Variants in GJB6 observed in about 807,000 individuals in gnomAD.
GJB6 encodes the protein gap junction beta-6 protein.
A neutral mutation model predicts 5.4 loss-of-function variants in GJB6; 5 were observed. The observed-to-expected ratio is 0.92, with a 90% CI of 0.48 to 1.93. GJB6 has a LOEUF of 1.93. GJB6 is among the 30% of genes most tolerant of loss of function. The probability of loss-of-function intolerance (pLI) is 0.01; values close to 1 mark genes in which losing one functional copy is unlikely to be tolerated. For synonymous variants in GJB6, 136 were observed against 129.6 expected, an observed-to-expected ratio of 1.05 and a Z score of -0.34; for missense variants, 298 against 326.9, an observed-to-expected ratio of 0.91 and a Z score of 0.68.
At position 20,222,685 on chromosome 13, in the gene GJB6, C is replaced by T; in HGVS notation, c.*10G>A. On this transcript the variant is annotated 3_prime_UTR_variant, in exon 5 of 5. Transcript: ENST00000647029. The stretch of plus-strand genomic sequence containing the variant: ...TCCTTATGACGCAGCTACATTTTAC[C>T]TTGAAATGTTTAGCTTGGGAAACCT... The T allele has an allele frequency of 6.2e-7, 1 of 1,612,362 alleles. No homozygotes were observed. The highest frequency in any genetic ancestry group is 8.5e-7 in the Non-Finnish European group (1 of 1,178,346).
At chr13:20,226,707 A>T (rs755190891) in intron 4 of GJB6, among the ~76,000 whole-genome samples, 1 of 152,198 alleles carries the variant, frequency 6.6e-6, no homozygotes, top group Non-Finnish European at 1.5e-5. Flanking sequence ...GCAGCTGTTC[A>T]CCTATGGGGT....
chr13:20,225,016 G>A lies in GJB6; in HGVS notation c.-15-1521C>T, dbSNP rs575570744. Among the ~76,000 whole-genome samples the A allele has an allele frequency of 4.6e-5, 7 of 152,324 alleles. No individual in the cohort carries two copies. The East Asian group carries it at 1.4e-3, about 29-fold the overall frequency. ...AGGCAGCCTCTCCCCACCCAGGAGT[G>A]CCTTGGCCTCAGAGTGGGGTGCTAC... is the stretch of plus-strand genomic sequence containing the variant. On this transcript the variant is annotated intron_variant, in intron 4 of 4. Coordinates refer to ENST00000647029, the MANE Select transcript of GJB6 (RefSeq NM_001110219.3).
At chr13:20,228,076 T>TG (rs1327949396) in intron 4 of GJB6, among the ~76,000 whole-genome samples, 1 of 152,246 alleles carries the variant, frequency 6.6e-6, no homozygotes, top group Non-Finnish European at 1.5e-5. Flanking sequence ...CAAACCCTCT[T>TG]GGTTGGAGAA....
intron 1 of GJB6, chr13:20,231,963 G>C (rs1870112885): frequency 6.6e-6 from 1 of 152,370 alleles, no homozygotes; most frequent in African/African-American, 2.4e-5. Context: ...ACAGGAGGGT[G>C]CGGATAGAGG....
chr13:20,224,623 T>C (rs1411083053), intron 4 of GJB6, among the ~76,000 whole-genome samples: 2 of 152,216 alleles, frequency 1.3e-5, no homozygotes, highest in African/African-American at 4.8e-5. Flanking sequence ...TTTACAGCTA[T>C]GGACACTTTT....
chr13:20,231,220 A>G (rs1870060495), intron 2 of GJB6, 162 bp downstream of exon 2: 1 of 152,268 alleles, frequency 6.6e-6, no homozygotes, highest in Non-Finnish European at 1.5e-5. Flanking sequence ...CATAAAGTCT[A>G]CTTGAGGGAA....
chr13:20,225,231 C>G (rs1333184149), intron 4 of GJB6: 1 of 152,222 alleles, frequency 6.6e-6, no homozygotes, highest in East Asian at 1.9e-4. Flanking sequence ...CTTTCTGCAT[C>G]TATGATTTTG....
At chr13:20,225,042 T>C (rs1869483326) in intron 4 of GJB6, among the ~76,000 whole-genome samples, 2 of 152,244 alleles carry the variant, frequency 1.3e-5, no homozygotes, top group South Asian at 4.1e-4. Flanking sequence ...GGGGTGCTAC[T>C]GTGTGCCCCA....
At chr13:20,227,001 G>A (rs138876786) in intron 4 of GJB6, among the ~76,000 whole-genome samples, 2,233 of 152,206 alleles carry the variant, frequency 0.015, 41 homozygotes, top group African/African-American at 0.05. Context: ...GCCAGAGGGG[G>A]ACATGGCCTG....
At chr13:20,227,167 G>C (rs1869644867) in intron 4 of GJB6, among the ~76,000 whole-genome samples, 1 of 152,040 alleles carries the variant, frequency 6.6e-6, no homozygotes, top group African/African-American at 2.4e-5. Context: ...CAATTATAAG[G>C]GCAGTAGCTT....
At chr13:20,227,734 T>G (rs370392062) in intron 4 of GJB6, among the ~76,000 whole-genome samples, 5 of 152,334 alleles carry the variant, frequency 3.3e-5, no homozygotes, top group South Asian at 4.1e-4. Flanking sequence ...TGTCAAGAGA[T>G]AGGCCAGGGT....
chr13:20,227,684 G>A (rs1028583856), intron 4 of GJB6, among the ~76,000 whole-genome samples: 5 of 152,198 alleles, frequency 3.3e-5, no homozygotes, highest in African/African-American at 4.8e-5. Context: ...ATCATTCTCT[G>A]CAGGCCAACA....
Position 20,222,503 on chromosome 13 carries a change from G to A in GJB6, c.*192C>T, listed in dbSNP as rs761029974. On this transcript the variant is annotated 3_prime_UTR_variant, in exon 5 of 5. Coordinates refer to ENST00000647029, the MANE Select transcript of GJB6 (RefSeq NM_001110219.3). ...TGTCAAGCAGTCTCTTGTTTTCAGA[G>A]ATGGACCACATATTTGATTACGTTG... 1.9e-4 allele frequency: 117 copies of A among 601,812 alleles called. No homozygotes were observed. Among genetic ancestry groups the A allele is most frequent in the Non-Finnish European group, 2.7e-4 (92 of 338,978 alleles). 37.3% of individuals were successfully genotyped at this position (601,812 alleles called of 1,614,324 possible).
intron 1 of GJB6, 86 bp from the exon 2 acceptor site, chr13:20,231,591 G>C (rs1477984386): frequency 6.6e-6 from 1 of 152,172 alleles, no homozygotes; most frequent in Admixed American, 6.5e-5. Flanking sequence ...AGCCCATCAC[G>C]CAGCCCATAC....
rs749332449 is a variant in GJB6 at position 20,222,819 on chromosome 13, C to A, written c.662G>T (p.Arg221Ile). ...CYLLLKVCFR[R>I]SKRAQTQKNH... Reference sequence around the variant, plus strand: ...TTTTTGCGTCTGTGCTCTCTTTGATCTCCTAAAACACACTTTCAGCAGCAG... The same window carrying A: ...TTTTTGCGTCTGTGCTCTCTTTGATATCCTAAAACACACTTTCAGCAGCAG... The change falls in exon 5 of 5, where the codon AGA becomes ATA. Residue 221 changes from arginine (R) to isoleucine (I), a missense_variant. Transcript: ENST00000647029. 6.2e-7 allele frequency: 1 copy of A among 1,613,988 alleles called. No individual in the cohort carries two copies. Among genetic ancestry groups the A allele is most frequent in the African/African-American group, 1.3e-5 (1 of 74,894 alleles).
rs1870136695 is a variant in GJB6, at chr13:20,232,223, G to A, written c.-449C>T. ...TCTGCGGCCGGCGGCCCTGGCGCGG[G>A]CTCTGCGCGGGGCGGCGCCCTTCGC... On this transcript the variant is annotated 5_prime_UTR_variant, in exon 1 of 5. Transcript: ENST00000647029. The A allele has an allele frequency of 6.6e-6, 1 of 152,052 alleles. No homozygotes were observed. The highest frequency in any genetic ancestry group is 2.4e-5 in the African/African-American group (1 of 41,436). The allele number at this position is 152,052 out of a possible 1,614,324, so 9.4% of individuals were successfully genotyped here.
rs1207659819 is a variant in GJB6, at chr13:20,232,187, C to A, written c.-420+7G>T. On this transcript the variant is annotated splice_region_variant and intron_variant, in intron 1 of 4. Transcript: ENST00000647029. Reference sequence around the variant, plus strand: ...CCGCAAGACCCAGCCGGTCCGCGCCCGCTTACCTGCTCTGCGGCCGGCGGC... The same window carrying A: ...CCGCAAGACCCAGCCGGTCCGCGCCAGCTTACCTGCTCTGCGGCCGGCGGC... The A allele has an allele frequency of 6.6e-6, 1 of 152,082 alleles. No individual in the cohort carries two copies. The highest frequency in any genetic ancestry group is 2.4e-5 in the African/African-American group (1 of 41,428). The allele number at this position is 152,082 out of a possible 1,614,324, so 9.4% of individuals were successfully genotyped here.
rs979580620 is a variant in GJB6 at position 20,223,153 on chromosome 13, C to T, written c.328G>A (p.Glu110Lys). The T allele has an allele frequency of 1.2e-6, 2 of 1,613,990 alleles. No individual in the cohort carries two copies. The highest frequency in any genetic ancestry group is 8.5e-7 in the Non-Finnish European group (1 of 1,179,828). ...ATGTCTTTGAAATCATTCCTCTTCT[C>T]TCCTCGCCTGAACTTGCGAGTGGTT... ...HETTRKFRRGEKRNDFKDIED... is the reference protein window; with the variant it reads ...HETTRKFRRGKKRNDFKDIED... The change falls in exon 5 of 5, where the codon GAG (glutamate) becomes AAG (lysine). Residue 110 changes from glutamate to lysine, a missense_variant. Transcript: ENST00000647029.
chr13:20,222,992 C>T lies in GJB6; in HGVS notation c.489G>A (p.Leu163=), dbSNP rs35002004. 5,328 of 1,614,148 alleles carry T rather than the reference C, an allele frequency of 3.3e-3. 19 individuals carry two copies. Among genetic ancestry groups the T allele is most frequent in the Middle Eastern group, 4.1e-3 (25 of 6,062 alleles). The change falls in exon 5 of 5, where the codon CTG becomes CTA. Residue 163 remains leucine (L), a synonymous_variant. Transcript: ENST00000647029. ...VFYFLYNGYH[L]PWVLKCGIDP... ...CAATCCCACATTTCAACACCCAGGG[C>T]AGGTGGTACCCATTGTAAAGGAAGT...
Sources: gnomAD v4.1 joint callset for allele counts (sites outside exome capture counted in the v4.1 genomes callset) on GRCh38, gnomAD v4.1.1 for gene constraint, MANE v1.5 for transcripts, NCBI Gene and HGNC (gene_info 2026-07-23, HGNC 2026-07-21) for gene names.